The following CAVIN2 variants were observed in gnomAD, a reference collection of about 807,000 sequenced individuals.
The protein encoded by CAVIN2 is caveolae associated protein 2, also known as caveolae-associated protein 2.
A neutral mutation model predicts 11.7 loss-of-function variants in CAVIN2; 13 were observed. The ratio of observed to expected loss-of-function variants is 1.11; its 90% CI spans 0.72 to 1.77. The LOEUF (loss-of-function observed/expected upper bound fraction) is 1.77, where lower values mean the gene tolerates loss of function less well. Among genes scored for constraint, CAVIN2 ranks in the 40% most tolerant of loss-of-function variants. CAVIN2 has a pLI of 0.00. For missense variants in CAVIN2, 549 were observed against 542.9 expected (o/e 1.01, Z -0.11); for synonymous variants, 237 against 223.2 (o/e 1.06, Z -0.55).
chr2:191,845,806 G>T (rs1690157927), intron 1 of CAVIN2, among the ~76,000 whole-genome samples: 1 of 152,102 alleles, frequency 6.6e-6, no homozygotes, highest in South Asian at 2.1e-4. Flanking sequence ...ACAAGGAGAG[G>T]CACGTCTAGT....
intron 1 of CAVIN2, among the ~76,000 whole-genome samples, chr2:191,843,304 A>G (rs1047251125): frequency 6.6e-6 from 1 of 152,258 alleles, no homozygotes; most frequent in African/African-American, 2.4e-5. Context: ...CAACAGTACC[A>G]TACCAAATAT....
At chr2:191,845,266 T>C (rs1324920462) in intron 1 of CAVIN2, among the ~76,000 whole-genome samples, 1 of 152,112 alleles carries the variant, frequency 6.6e-6, no homozygotes, top group Non-Finnish European at 1.5e-5. Context: ...GCGAGATGAG[T>C]CTTTCCTTTT....
chr2:191,837,989 G>T (rs973573797), intron 1 of CAVIN2, among the ~76,000 whole-genome samples: 39 of 152,286 alleles, frequency 2.6e-4, no homozygotes, highest in South Asian at 6.2e-4. Flanking sequence ...CACTCCCAGG[G>T]GTACCAGGGG....
Position 191,834,324 on chromosome 2 carries a change from C to A in CAVIN2, c.*1599G>T, listed in dbSNP as rs746620587. 2 of 152,030 alleles carry A rather than the reference C, an allele frequency of 1.3e-5. No individual in the cohort carries two copies. The highest frequency in any genetic ancestry group is 1.9e-4 in the East Asian group (1 of 5,200). The allele number at this position is 152,030 out of a possible 1,614,324, so 9.4% of individuals were successfully genotyped here. On this transcript the variant is annotated 3_prime_UTR_variant, in exon 2 of 2. Coordinates refer to ENST00000304141, the MANE Select transcript of CAVIN2 (RefSeq NM_004657.6). ...ACATTGTTTCATGCTTTTTATTTTT[C>A]GGTTTATTTAATCTTCTTTAACACA...
Position 191,846,791 on chromosome 2 carries a change from C to A in CAVIN2, c.135G>T (p.Glu45Asp). The A allele has an allele frequency of 6.2e-7, 1 of 1,614,202 alleles. No individual in the cohort carries two copies. The highest frequency in any genetic ancestry group is 1.1e-5 in the South Asian group (1 of 91,086). The change falls in exon 1 of 2, where the codon GAG becomes GAT. Residue 45 changes from glutamate to aspartate, a missense_variant. Physicochemically the swap from Glu to Asp is conservative, Grantham distance 45. Coordinates refer to ENST00000304141, the MANE Select transcript of CAVIN2 (RefSeq NM_004657.6). ...SPSLNLGNTE[E>D]AIRDNSQVNA... Reference sequence around the variant, plus strand: ...TCACCTGTGAGTTGTCCCGGATGGCCTCCTCTGTGTTCCCTAGGTTCAGGC... The same window carrying A: ...TCACCTGTGAGTTGTCCCGGATGGCATCCTCTGTGTTCCCTAGGTTCAGGC...
At position 191,835,941 on chromosome 2, in the gene CAVIN2, C is replaced by T; in HGVS notation, c.1260G>A (p.Gln420=). Residue 420 remains glutamine, a synonymous_variant, in exon 2 of 2, where the codon CAG becomes CAA. Transcript: ENST00000304141. ...TCTAAGCTCAGGAGGTCTGGTGCAC[C>T]TGGAGCACGGCGGGCTGCACGGGGT... ...DGDPVQPAVL[Q]VHQTS The T allele has an allele frequency of 6.2e-7, 1 of 1,612,668 alleles. No homozygotes were observed. Among genetic ancestry groups the T allele is most frequent in the South Asian group, 1.1e-5 (1 of 91,028 alleles).
rs114661714 is a variant in CAVIN2 at position 191,846,677 on chromosome 2, C to T, written c.249G>A (p.Gln83=). 2 of 1,614,114 alleles carry T rather than the reference C, an allele frequency of 1.2e-6. No individual in the cohort carries two copies. Among genetic ancestry groups the T allele is most frequent in the African/African-American group, 1.3e-5 (1 of 74,948 alleles). Residue 83 remains glutamine, a synonymous_variant, in exon 1 of 2, where the codon CAG becomes CAA. Transcript: ENST00000304141. ...QENQHKMEQR[Q]ISLEGSVKGI... ...CCTTCACGGAGCCCTCCAAACTGAT[C>T]TGTCGCTGCTCCATCTTGTGCTGGT...
intron 1 of CAVIN2, among the ~76,000 whole-genome samples, chr2:191,845,747 T>C (rs1386588547): frequency 1.3e-5 from 2 of 152,220 alleles, no homozygotes; most frequent in African/African-American, 4.8e-5. Flanking sequence ...TTTGTGACTA[T>C]AACTGATAAC....
chr2:191,836,617 T>G lies in CAVIN2; in HGVS notation c.584A>C (p.Glu195Ala). 1 of 1,614,170 alleles carries G rather than the reference T, an allele frequency of 6.2e-7. No homozygotes were observed. The highest frequency in any genetic ancestry group is 8.5e-7 in the Non-Finnish European group (1 of 1,180,028). ...ELPDENKSLE[E>A]TLHTVDLSSD... The stretch of plus-strand genomic sequence containing the variant: ...GGAGAGGTCCACGGTGTGCAGGGTT[T>G]CCTCCAGGGATTTGTTTTCATCCGG... Residue 195 changes from glutamate to alanine, a missense_variant, in exon 2 of 2, where the codon GAA (glutamate) becomes GCA (alanine). Coordinates refer to ENST00000304141, the MANE Select transcript of CAVIN2 (RefSeq NM_004657.6).
chr2:191,840,809 G>A (rs73065338), intron 1 of CAVIN2, among the ~76,000 whole-genome samples: 10 of 152,264 alleles, frequency 6.6e-5, no homozygotes, highest in Non-Finnish European at 1.3e-4. Flanking sequence ...CTTGAATAAG[G>A]AGAGAAAAAA....
At position 191,835,858 on chromosome 2, in the gene CAVIN2, G is replaced by A. The variant is rs1405540399; in HGVS notation, c.*65C>T. 1.3e-6 allele frequency: 2 copies of A among 1,490,372 alleles called. No individual in the cohort carries two copies. The highest frequency in any genetic ancestry group is 1.9e-5 in the Admixed American group (1 of 53,008). The allele number at this position is 1,490,372 out of a possible 1,614,324, so 92.3% of individuals were successfully genotyped here. A position where few individuals can be genotyped will look rare whatever the true frequency, so the allele number is the denominator to read the frequency against. ...GGTGAGTCGTGCTGGAGATGTGCAAGAGTTTGTTCTTCAGCCCTGGCTGCC... is the reference window on the plus strand; with the variant it reads ...GGTGAGTCGTGCTGGAGATGTGCAAAAGTTTGTTCTTCAGCCCTGGCTGCC... On this transcript the variant is annotated 3_prime_UTR_variant, in exon 2 of 2. Transcript: ENST00000304141.
At position 191,846,949 on chromosome 2, in the gene CAVIN2, T is replaced by C. The variant is rs374284978; in HGVS notation, c.-24A>G. On this transcript the variant is annotated 5_prime_UTR_variant, in exon 1 of 2. Coordinates refer to ENST00000304141, the MANE Select transcript of CAVIN2 (RefSeq NM_004657.6). ...ATGGCTAGGCAGGTGGGAACGTTCT[T>C]TCTCTCTGGGAGCTGCTTCTTGCTC... 2 of 1,575,308 alleles carry C rather than the reference T, an allele frequency of 1.3e-6. No individual in the cohort carries two copies. Among genetic ancestry groups the C allele is most frequent in the Non-Finnish European group, 1.7e-6 (2 of 1,163,984 alleles).
chr2:191,843,331 A>G (rs1407731176), intron 1 of CAVIN2, among the ~76,000 whole-genome samples: 1 of 152,246 alleles, frequency 6.6e-6, no homozygotes, highest in African/African-American at 2.4e-5. Context: ...GTCATGGGAT[A>G]GATTTTCCTT....
Position 191,836,255 on chromosome 2 carries a change from C to T in CAVIN2, c.946G>A (p.Glu316Lys). 1.2e-6 allele frequency: 2 copies of T among 1,614,112 alleles called. No individual in the cohort carries two copies. The highest frequency in any genetic ancestry group is 1.7e-6 in the Non-Finnish European group (2 of 1,180,034). Residue 316 changes from glutamate (E) to lysine (K), a missense_variant, in exon 2 of 2, where the codon GAA (glutamate) becomes AAA (lysine). Glu to Lys is a moderately conservative substitution (Grantham distance 56). Transcript: ENST00000304141. Reference sequence around the variant, plus strand: ...ATCTGCTCACTGCTAGGCAGGTCTTCTGACTTGGTCTCATTTTCTGCATGG... The same window carrying T: ...ATCTGCTCACTGCTAGGCAGGTCTTTTGACTTGGTCTCATTTTCTGCATGG... ...ESHAENETKS[E>K]DLPSSEQMPN...
At position 191,846,665 on chromosome 2, in the gene CAVIN2, C is replaced by T. The variant is rs1303946455; in HGVS notation, c.261G>A (p.Glu87=). The T allele has an allele frequency of 6.2e-7, 1 of 1,614,096 alleles. No individual in the cohort carries two copies. The highest frequency in any genetic ancestry group is 8.5e-7 in the Non-Finnish European group (1 of 1,180,046). ...HKMEQRQISL[E]GSVKGIQNDL... is the part of the protein sequence containing the mutation. ...CATTCTGGATGCCCTTCACGGAGCC[C>T]TCCAAACTGATCTGTCGCTGCTCCA... The change falls in exon 1 of 2, where the codon GAG becomes GAA. Residue 87 remains glutamate, a synonymous_variant. Coordinates refer to ENST00000304141, the MANE Select transcript of CAVIN2 (RefSeq NM_004657.6).
chr2:191,845,034 G>T (rs1360078301), intron 1 of CAVIN2, among the ~76,000 whole-genome samples: 1 of 152,140 alleles, frequency 6.6e-6, no homozygotes, highest in African/African-American at 2.4e-5. Context: ...TGAGAGCTGA[G>T]ATTTCTAATA....
Position 191,846,957 on chromosome 2 carries a change from G to A in CAVIN2, c.-32C>T. ...GCAGGTGGGAACGTTCTTTCTCTCT[G>A]GGAGCTGCTTCTTGCTCGGGTGAGA... On this transcript the variant is annotated 5_prime_UTR_variant, in exon 1 of 2. Transcript: ENST00000304141. The A allele has an allele frequency of 6.4e-7, 1 of 1,563,964 alleles. No homozygotes were observed. Among genetic ancestry groups the A allele is most frequent in the Non-Finnish European group, 8.6e-7 (1 of 1,159,580 alleles).
At chr2:191,844,805 C>T (rs1345863500) in intron 1 of CAVIN2, among the ~76,000 whole-genome samples, 1 of 152,056 alleles carries the variant, frequency 6.6e-6, no homozygotes, top group African/African-American at 2.4e-5. Context: ...ATCTGCAGAA[C>T]ATCCATGACA....
In CAVIN2 at chr2:191,836,341, C is replaced by G. The variant is rs746208490; in HGVS notation, c.860G>C (p.Ser287Thr). The G allele has an allele frequency of 6.2e-7, 1 of 1,614,102 alleles. No individual in the cohort carries two copies. Among genetic ancestry groups the G allele is most frequent in the Non-Finnish European group, 8.5e-7 (1 of 1,180,018 alleles). The change falls in exon 2 of 2, where the codon AGC (serine) becomes ACC (threonine). Residue 287 changes from serine to threonine, a missense_variant. Transcript: ENST00000304141. ...SNHQKISSGK[S>T]SPFKVSPLTF... ...GAGGGGAGAAACCTTGAAGGGGGAG[C>G]TTTTTCCTGAGGATATTTTCTGGTG...
Sources: allele counts gnomAD v4.1 joint callset (sites outside exome capture counted in the v4.1 genomes callset), GRCh38; gene constraint gnomAD v4.1.1; transcripts MANE v1.5; gene names NCBI Gene and HGNC (gene_info 2026-07-23, HGNC 2026-07-21).